Variants in EEIG2 observed in about 807,000 individuals in gnomAD.
EEIG2 encodes family with sequence similarity 102 member B.
chr1:108,597,296 T>C, the EEIG2 span, among the ~76,000 whole-genome samples: 1,808 of 152,306 alleles, frequency 0.012, 14 homozygotes, highest in Non-Finnish European at 0.021. Context: ...AGGTGCCTGG[T>C]TCTGGCATTG....
At chr1:108,601,395 C>A in the EEIG2 span, among the ~76,000 whole-genome samples, 2 of 151,996 alleles carry the variant, frequency 1.3e-5, 1 homozygote, top group South Asian at 4.1e-4. Flanking sequence ...TCTGGCCTTG[C>A]TCTTTTCCAC....
At chr1:108,585,034 A>G in the EEIG2 span, among the ~76,000 whole-genome samples, 1 of 152,194 alleles carries the variant, frequency 6.6e-6, no homozygotes, top group Non-Finnish European at 1.5e-5. Context: ...GTTAATAGAA[A>G]AGTAAACAAA....
the EEIG2 span, among the ~76,000 whole-genome samples, chr1:108,608,313 T>C: frequency 2.0e-5 from 3 of 152,232 alleles, no homozygotes; most frequent in Non-Finnish European, 4.4e-5. Context: ...TAACTGTGTC[T>C]TCCTCTATCA....
the EEIG2 span, among the ~76,000 whole-genome samples, chr1:108,574,799 A>AT: frequency 6.6e-6 from 1 of 152,210 alleles, no homozygotes; most frequent in Non-Finnish European, 1.5e-5. Context: ...TTTTACCACA[A>AT]TTTTTTAAAT....
At chr1:108,632,778 C>T in the EEIG2 span, among the ~76,000 whole-genome samples, 117 of 151,732 alleles carry the variant, frequency 7.7e-4, 2 homozygotes, top group South Asian at 4.2e-3. Flanking sequence ...AGGTACAGAA[C>T]AGCAGAAAAG....
the EEIG2 span, among the ~76,000 whole-genome samples, chr1:108,597,095 A>G: frequency 6.6e-6 from 1 of 152,076 alleles, no homozygotes; most frequent in East Asian, 1.9e-4. Context: ...ATCTGCCCAT[A>G]TTTAACTATG....
chr1:108,628,929 GC>G, the EEIG2 span: 1 of 776,186 alleles, frequency 1.3e-6, no homozygotes, highest in Non-Finnish European at 1.9e-6. Context: ...TAAATTTCAT[GC>G]CCATAAAAAT....
the EEIG2 span, among the ~76,000 whole-genome samples, chr1:108,603,654 A>G: frequency 1.3e-5 from 2 of 152,246 alleles, no homozygotes; most frequent in African/African-American, 2.4e-5. Context: ...TCAAAAGGAA[A>G]AATATGATAA....
chr1:108,579,772 T>TGTGTGTGTGTGAGAGA, the EEIG2 span, among the ~76,000 whole-genome samples: 133 of 58,866 alleles, frequency 2.3e-3, 1 homozygote, highest in African/African-American at 8.4e-3. Context: ...TGTGTGTGTG[T>TGTGTGTGTGTGAGAGA]GAGAGAGAGA....
At chr1:108,585,623 C>A in the EEIG2 span, among the ~76,000 whole-genome samples, 1 of 152,070 alleles carries the variant, frequency 6.6e-6, no homozygotes, top group African/African-American at 2.4e-5. Flanking sequence ...TGCATATGAT[C>A]CCTTCCATCT....
chr1:108,576,337 G>C, the EEIG2 span, among the ~76,000 whole-genome samples: 607 of 151,434 alleles, frequency 4.0e-3, 3 homozygotes, highest in Middle Eastern at 0.024. Flanking sequence ...GGGTACATGT[G>C]CACATTGTGC....
the EEIG2 span, among the ~76,000 whole-genome samples, chr1:108,613,982 C>T: frequency 6.6e-6 from 1 of 151,868 alleles, no homozygotes; most frequent in Non-Finnish European, 1.5e-5. Flanking sequence ...AACTTCACCC[C>T]CAAAAAATTT....
chr1:108,600,908 A>G, the EEIG2 span, among the ~76,000 whole-genome samples: 2 of 152,164 alleles, frequency 1.3e-5, no homozygotes, highest in East Asian at 1.9e-4. Context: ...CACTGTCACT[A>G]TACGTATAAG....
chr1:108,573,907 T>A, the EEIG2 span, among the ~76,000 whole-genome samples: 1 of 152,178 alleles, frequency 6.6e-6, no homozygotes, highest in South Asian at 2.1e-4. Context: ...GGCAATGATG[T>A]GGAGAAATTA....
chr1:108,612,829 T>A, the EEIG2 span, among the ~76,000 whole-genome samples: 4 of 152,214 alleles, frequency 2.6e-5, no homozygotes, highest in South Asian at 2.1e-4. Context: ...AAAATATTTG[T>A]AAAGTACTTT....
the EEIG2 span, among the ~76,000 whole-genome samples, chr1:108,590,222 G>A: frequency 6.6e-6 from 1 of 152,118 alleles, no homozygotes; most frequent in Non-Finnish European, 1.5e-5. Flanking sequence ...TGTATGAGAT[G>A]TTCATTTATC....
the EEIG2 span, chr1:108,628,290 C>T: frequency 1.2e-6 from 2 of 1,613,016 alleles, no homozygotes; most frequent in Middle Eastern, 1.6e-4. Flanking sequence ...AGTTGAATTC[C>T]TTATTGTTCC....
At chr1:108,561,088 A>C in the EEIG2 span, among the ~76,000 whole-genome samples, 1 of 152,194 alleles carries the variant, frequency 6.6e-6, no homozygotes, top group African/African-American at 2.4e-5. Context: ...GCCTCATCAG[A>C]GAGCGGCGTC....
the EEIG2 span, among the ~76,000 whole-genome samples, chr1:108,607,990 A>G: frequency 2.6e-5 from 4 of 152,146 alleles, no homozygotes; most frequent in African/African-American, 7.2e-5. Context: ...GCAGCTATTC[A>G]TTGCTTATAA....
Sources: allele counts gnomAD v4.1 joint callset (sites outside exome capture counted in the v4.1 genomes callset), GRCh38; gene constraint gnomAD v4.1.1; transcripts MANE v1.5; gene names NCBI Gene and HGNC (gene_info 2026-07-23, HGNC 2026-07-21).